Variants in CACNA1A observed in about 807,000 individuals in gnomAD.
CACNA1A encodes calcium voltage-gated channel subunit alpha1 A.
CACNA1A carries 57 observed loss-of-function variants against 262.4 expected under a neutral mutation model. The observed-to-expected ratio is 0.22, with a 90% CI of 0.18 to 0.27. The LOEUF (loss-of-function observed/expected upper bound fraction) is 0.27. Among genes scored for constraint, CACNA1A ranks in the 10% least tolerant of loss-of-function variants. The probability of loss-of-function intolerance (pLI) is 1.00; values close to 1 mark genes in which losing one functional copy is unlikely to be tolerated. For synonymous variants in CACNA1A, 1,431 were observed against 1,419.3 expected (o/e 1.01, Z -0.18); for missense variants, 2,526 against 3,562.8 (o/e 0.71, Z 7.41).
chr19:13,318,138 A>C (rs74258403), intron 10 of CACNA1A, among the ~76,000 whole-genome samples: 1 of 135,596 alleles, frequency 7.4e-6, no homozygotes, highest in Non-Finnish European at 1.6e-5. Context: ...TTTTTTTTTT[A>C]AGAGAAAAAG....
At chr19:13,247,720 A>ATAAG (rs2056285598) in intron 30 of CACNA1A, among the ~76,000 whole-genome samples, 1 of 151,286 alleles carries the variant, frequency 6.6e-6, no homozygotes, top group Admixed American at 6.6e-5. Flanking sequence ...ATAAAAATAA[A>ATAAG]TAAATAAATA....
chr19:13,487,613 C>T (rs1377414009), intron 1 of CACNA1A, among the ~76,000 whole-genome samples: 1 of 151,178 alleles, frequency 6.6e-6, no homozygotes, highest in Non-Finnish European at 1.5e-5. Flanking sequence ...AAACTGTACA[C>T]TTTAAAATGG....
chr19:13,464,543 A>ATTGTTTTTTTTTTTTTTTTTTTTTT (rs1170388497), intron 1 of CACNA1A, among the ~76,000 whole-genome samples: 1 of 128,952 alleles, frequency 7.8e-6, no homozygotes, highest in Non-Finnish European at 1.6e-5. Flanking sequence ...AACTTTTCCA[A>ATTGTTTTTTTTTTTTTTTTTTTTTT]TTTTTTTTTT....
At chr19:13,243,152 C>T (rs1049882024) in intron 31 of CACNA1A, among the ~76,000 whole-genome samples, 9 of 152,218 alleles carry the variant, frequency 5.9e-5, no homozygotes, top group African/African-American at 2.2e-4. Context: ...CCAGCTGGAG[C>T]TCCAGCCCTC....
chr19:13,363,220 CAT>C (rs1281725885), intron 5 of CACNA1A: 1 of 151,942 alleles, frequency 6.6e-6, no homozygotes, highest in Non-Finnish European at 1.5e-5. Context: ...GGTAGAAAAA[CAT>C]AAAATAAAAC....
chr19:13,504,053 C>T (rs953032072), intron 1 of CACNA1A, among the ~76,000 whole-genome samples: 24 of 152,054 alleles, frequency 1.6e-4, no homozygotes, highest in African/African-American at 5.8e-4. Context: ...GTCTCCAAAT[C>T]CAGGCTCCAG....
At position 13,259,543 on chromosome 19, in the gene CACNA1A, AT is replaced by A; in HGVS notation, c.4388+20del. On this transcript the variant is annotated intron_variant, in intron 27 of 46. Coordinates refer to ENST00000360228, the MANE Select transcript of CACNA1A (RefSeq NM_001127222.2). ...GCTCCCCAGGGCTCCTCCTGGATAG[AT>A]TTCCAGTCGGGCCACTTACTGTGGC... is the stretch of plus-strand genomic sequence containing the variant. 1.3e-6 allele frequency: 2 copies of A among 1,590,390 alleles called. No individual in the cohort carries two copies. The highest frequency in any genetic ancestry group is 2.3e-5 in the South Asian group (2 of 87,600).
At chr19:13,258,180 T>C (rs551672137) in intron 27 of CACNA1A, 1 of 152,316 alleles carries the variant, frequency 6.6e-6, no homozygotes, top group African/African-American at 2.4e-5. Flanking sequence ...AACTTGAGGT[T>C]CAGCAATTTA....
intron 3 of CACNA1A, among the ~76,000 whole-genome samples, chr19:13,409,780 C>T (rs1438901337): frequency 1.3e-5 from 2 of 152,046 alleles, no homozygotes; most frequent in Non-Finnish European, 2.9e-5. Context: ...CTGATTCAAG[C>T]TCAGAAGTGA....
chr19:13,476,259 C>G (rs1204652953), intron 1 of CACNA1A, among the ~76,000 whole-genome samples: 2 of 152,180 alleles, frequency 1.3e-5, no homozygotes, highest in Non-Finnish European at 2.9e-5. Flanking sequence ...TCCCCTATCC[C>G]TAACCCAAGC....
intron 15 of CACNA1A, 131 bp from the exon 16 acceptor site, chr19:13,304,015 T>G: frequency 1.5e-6 from 1 of 665,080 alleles, no homozygotes; most frequent in South Asian, 1.9e-5. Flanking sequence ...CCTGCCCGGT[T>G]TGCAGAGCCA....
Position 13,376,790 on chromosome 19 carries a change from C to T in CACNA1A, c.540-5011G>A, listed in dbSNP as rs1479613369. On this transcript the variant is annotated intron_variant, in intron 3 of 46. Transcript: ENST00000360228. ...CATATATAACACATAATATATGTGA[C>T]ATATATACACATAATATATGTTATG... Among the ~76,000 whole-genome samples, 6 of 107,080 alleles carry T rather than the reference C, an allele frequency of 5.6e-5. 1 individual carries two copies. The highest frequency in any genetic ancestry group is 2.7e-4 in the South Asian group (1 of 3,656). 70.2% of individuals were successfully genotyped at this position (107,080 alleles called of 152,430 possible).
In CACNA1A at chr19:13,298,866, C is replaced by T. The variant is rs1490564906; in HGVS notation, c.2767G>A (p.Gly923Ser). The change falls in exon 19 of 47, where the codon GGC (glycine) becomes AGC (serine). Residue 923 changes from glycine to serine, a missense_variant. This residue lies in a region of CACNA1A where 765 missense variants were observed against 748.6 expected (regional missense o/e 1.02). Transcript: ENST00000360228. ...CTCCGGTGGGGGTCCCCGGCCTTGC[C>T]TCGCTCGGCCTCGCCCTCCCAGAAC... ...PGFWEGEAER[G>S]KAGDPHRRHV... 6.3e-7 allele frequency: 1 copy of T among 1,591,512 alleles called. No homozygotes were observed.
intron 3 of CACNA1A, among the ~76,000 whole-genome samples, chr19:13,438,496 C>T (rs2060653548): frequency 6.6e-6 from 1 of 152,234 alleles, no homozygotes; most frequent in African/African-American, 2.4e-5. Context: ...CTAGCTCAGG[C>T]TAGCCTGCTG....
rs565686661 is a variant in CACNA1A, at chr19:13,441,967, G to A, written c.539+10909C>T. 1.6e-4 allele frequency among the ~76,000 whole-genome samples: 25 copies of A among 152,278 alleles called. No homozygotes were observed. The South Asian group carries it at 1.9e-3, about 11-fold the overall frequency. ...GCCAAGAAGCTCAGTATGGAACAAG[G>A]TCACCTGGCCATCTGGCCTTTACTC... On this transcript the variant is annotated intron_variant, in intron 3 of 46. Transcript: ENST00000360228.
intron 1 of CACNA1A, among the ~76,000 whole-genome samples, chr19:13,488,463 A>T (rs1228946602): frequency 7.9e-6 from 1 of 126,504 alleles, no homozygotes; most frequent in Non-Finnish European, 1.5e-5. Context: ...CAGCAGTGCC[A>T]TCTCAGCTTA....
At chr19:13,376,110 C>T (rs1046592122) in intron 3 of CACNA1A, among the ~76,000 whole-genome samples, 6 of 152,058 alleles carry the variant, frequency 3.9e-5, no homozygotes, top group Admixed American at 3.9e-4. Context: ...AAGGTGTCCC[C>T]ATAATATAAA....
chr19:13,267,142 G>A (rs1341255454), intron 24 of CACNA1A, among the ~76,000 whole-genome samples: 1 of 152,114 alleles, frequency 6.6e-6, no homozygotes, highest in Non-Finnish European at 1.5e-5. Flanking sequence ...GAGAGAGAGA[G>A]AGAGAAAGAG....
At chr19:13,366,963 G>C (rs2059224671) in intron 4 of CACNA1A, among the ~76,000 whole-genome samples, 1 of 152,160 alleles carries the variant, frequency 6.6e-6, no homozygotes. Context: ...AAGGCTAACA[G>C]AGATGCTGTG....
Sources: gnomAD v4.1 joint callset for allele counts (sites outside exome capture counted in the v4.1 genomes callset) on GRCh38, gnomAD v4.1.1 for gene constraint, gnomAD v4.1.1 regional missense constraint, MANE v1.5 for transcripts, NCBI Gene and HGNC (gene_info 2026-07-23, HGNC 2026-07-21) for gene names.